The following FOXP2 variants were observed in gnomAD, a reference collection of about 807,000 sequenced individuals.
FOXP2 encodes forkhead box protein P2.
FOXP2 carries 12 observed loss-of-function variants against 115.8 expected under a neutral mutation model. The ratio of observed to expected loss-of-function variants is 0.10; its 90% CI spans 0.07 to 0.17. The LOEUF is 0.17. FOXP2 is among the 10% of genes least tolerant of loss of function. The pLI, the probability that FOXP2 is intolerant of heterozygous loss-of-function variation, is 1.00. For synonymous variants in FOXP2, 328 were observed against 297.7 expected, an observed-to-expected ratio of 1.10 and a Z score of -1.05; for missense variants, 629 against 843.5, an observed-to-expected ratio of 0.75 and a Z score of 3.15.
chr7:114,149,303 TC>T (rs1225624047), intron 1 of FOXP2, among the ~76,000 whole-genome samples: 4 of 152,052 alleles, frequency 2.6e-5, no homozygotes, highest in African/African-American at 9.7e-5. Context: ...GGTCTTGACT[TC>T]TTTTCTCCTT....
intron 2 of FOXP2, among the ~76,000 whole-genome samples, chr7:114,388,948 G>C (rs1049581562): frequency 6.6e-6 from 1 of 152,190 alleles, no homozygotes; most frequent in Non-Finnish European, 1.5e-5. Flanking sequence ...TTAGAAATAA[G>C]TTAGGACGTT....
chr7:114,691,099 T>G lies in FOXP2; in HGVS notation c.*1173T>G. The G allele has an allele frequency of 2.2e-6, 1 of 454,106 alleles. No individual in the cohort carries two copies. Among genetic ancestry groups the G allele is most frequent in the Non-Finnish European group, 4.4e-6 (1 of 226,768 alleles). The allele number at this position is 454,106 out of a possible 1,614,324, so 28.1% of individuals were successfully genotyped here. A position where few individuals can be genotyped will look rare whatever the true frequency, so the allele number is the denominator to read the frequency against. ...TGTGGATCACTGACCAAAACGATTA[T>G]GTACTTGATGCAAATGCAGATTGCA... On this transcript the variant is annotated 3_prime_UTR_variant, in exon 17 of 17. Coordinates refer to ENST00000350908, the MANE Select transcript of FOXP2 (RefSeq NM_014491.4).
intron 2 of FOXP2, 131 bp downstream of exon 2, chr7:114,426,810 A>G: frequency 1.0e-6 from 1 of 993,532 alleles, no homozygotes; most frequent in East Asian, 2.6e-5. Flanking sequence ...TATTATTTGG[A>G]ACATGATTGA....
chr7:114,477,304 A>G (rs1050163993), intron 2 of FOXP2, among the ~76,000 whole-genome samples: 1 of 151,998 alleles, frequency 6.6e-6, no homozygotes, highest in Non-Finnish European at 1.5e-5. Context: ...AGTACCATGT[A>G]CATCATGAAA....
At position 114,689,950 on chromosome 7, in the gene FOXP2, G is replaced by T. The variant is rs375517965; in HGVS notation, c.*24G>T. On this transcript the variant is annotated 3_prime_UTR_variant, in exon 17 of 17. Coordinates refer to ENST00000350908, the MANE Select transcript of FOXP2 (RefSeq NM_014491.4). ...GAGAACTGACTTGTGAAACCTCAGC[G>T]TGAAGGGACATATCACTGACCTTCA... is the stretch of plus-strand genomic sequence containing the variant. 1 of 1,611,632 alleles carries T rather than the reference G, an allele frequency of 6.2e-7. No individual in the cohort carries two copies. Among genetic ancestry groups the T allele is most frequent in the Non-Finnish European group, 8.5e-7 (1 of 1,178,874 alleles).
At chr7:114,327,586 C>T (rs1216402727) in intron 2 of FOXP2, among the ~76,000 whole-genome samples, 4 of 151,668 alleles carry the variant, frequency 2.6e-5, no homozygotes, top group African/African-American at 9.7e-5. Flanking sequence ...ACCACAACCT[C>T]TGCCTCCCAG....
At chr7:114,554,200 C>T (rs928566987) in intron 3 of FOXP2, among the ~76,000 whole-genome samples, 1 of 152,034 alleles carries the variant, frequency 6.6e-6, no homozygotes, top group Non-Finnish European at 1.5e-5. Context: ...ATCTTCAAAA[C>T]ATTAGATGTA....
At chr7:114,264,155 C>CAAG (rs1795835665) in intron 1 of FOXP2, among the ~76,000 whole-genome samples, 1 of 152,094 alleles carries the variant, frequency 6.6e-6, no homozygotes, top group Non-Finnish European at 1.5e-5. Flanking sequence ...TACTTCTCTT[C>CAAG]ACCCTTATTC....
intron 1 of FOXP2, among the ~76,000 whole-genome samples, chr7:114,211,762 A>G (rs1794357000): frequency 6.6e-6 from 1 of 152,122 alleles, no homozygotes; most frequent in Non-Finnish European, 1.5e-5. Context: ...AACTGGACCC[A>G]TTTCTTCTTT....
At chr7:114,363,847 A>C (rs1266768154) in intron 2 of FOXP2, among the ~76,000 whole-genome samples, 1 of 152,146 alleles carries the variant, frequency 6.6e-6, no homozygotes, top group Non-Finnish European at 1.5e-5. Flanking sequence ...AAGTACATCC[A>C]TGACAAGGGA....
intron 7 of FOXP2, 44 bp from the exon 8 acceptor site, chr7:114,644,641 A>T (rs749710055): frequency 6.5e-7 from 1 of 1,539,000 alleles, no homozygotes; most frequent in Admixed American, 1.7e-5. Context: ...TGCAACGATT[A>T]TAGCTTTTTG....
At chr7:114,517,067 A>G (rs1294490490) in intron 2 of FOXP2, among the ~76,000 whole-genome samples, 2 of 150,948 alleles carry the variant, frequency 1.3e-5, no homozygotes, top group East Asian at 3.9e-4. Context: ...ATGATACCTC[A>G]TTGTGGTTTT....
intron 1 of FOXP2, among the ~76,000 whole-genome samples, chr7:114,284,333 A>G (rs1206700050): frequency 4.6e-5 from 7 of 152,060 alleles, no homozygotes; most frequent in Admixed American, 4.6e-4. Context: ...ATTCCATAAG[A>G]GCAGAGTTGT....
chr7:114,153,599 T>C (rs1393680588), intron 1 of FOXP2, among the ~76,000 whole-genome samples: 5 of 152,150 alleles, frequency 3.3e-5, no homozygotes, highest in African/African-American at 9.7e-5. Context: ...GTCAAATGAT[T>C]TCCCTGCTCT....
chr7:114,213,750 C>T (rs938201031), intron 1 of FOXP2, among the ~76,000 whole-genome samples: 19 of 152,006 alleles, frequency 1.2e-4, no homozygotes, highest in African/African-American at 4.6e-4. Context: ...ATGATGAAAA[C>T]TACATATAAT....
chr7:114,114,406 C>T (rs1791350421), intron 1 of FOXP2, among the ~76,000 whole-genome samples: 1 of 151,858 alleles, frequency 6.6e-6, no homozygotes, highest in Non-Finnish European at 1.5e-5. Context: ...GATCCTTGAC[C>T]ACGTTCCAGC....
At chr7:114,391,339 A>C (rs962828043) in intron 2 of FOXP2, among the ~76,000 whole-genome samples, 1 of 152,182 alleles carries the variant, frequency 6.6e-6, no homozygotes, top group Non-Finnish European at 1.5e-5. Flanking sequence ...TGGGTTAAAC[A>C]TCTGCTTAGA....
intron 1 of FOXP2, among the ~76,000 whole-genome samples, chr7:114,153,923 C>T (rs1168663415): frequency 6.6e-6 from 1 of 152,038 alleles, no homozygotes; most frequent in African/African-American, 2.4e-5. Context: ...TTATTTAGAT[C>T]TGCATAGTAA....
chr7:114,479,233 G>A (rs1413487576), intron 2 of FOXP2, among the ~76,000 whole-genome samples: 1 of 151,272 alleles, frequency 6.6e-6, no homozygotes, highest in African/African-American at 2.4e-5. Context: ...TTTAATTGGA[G>A]TGCAGGCTTT....
Sources: gnomAD v4.1 joint callset for allele counts (sites outside exome capture counted in the v4.1 genomes callset) on GRCh38, gnomAD v4.1.1 for gene constraint, MANE v1.5 for transcripts, NCBI Gene and HGNC (gene_info 2026-07-23, HGNC 2026-07-21) for gene names.